Variants in RUVBL1 observed in about 807,000 individuals in gnomAD.
RUVBL1 encodes RuvB like AAA ATPase 1.
A neutral mutation model predicts 52.4 loss-of-function variants in RUVBL1; 4 were observed. The observed-to-expected ratio is 0.08, with a 90% CI of 0.04 to 0.17. RUVBL1 has a LOEUF of 0.17. Among genes scored for constraint, RUVBL1 ranks in the 10% least tolerant of loss-of-function variants. RUVBL1 has a pLI of 1.00. For missense variants in RUVBL1, 298 were observed against 572.8 expected (o/e 0.52, Z 4.90); for synonymous variants, 217 against 214.4 (o/e 1.01, Z -0.10).
In RUVBL1 at chr3:128,092,226, T is replaced by C. The variant is rs186884763; in HGVS notation, c.1017-4418A>G. 9.2e-5 allele frequency among the ~76,000 whole-genome samples: 14 copies of C among 152,300 alleles called. No homozygotes were observed. The East Asian group carries it at 2.1e-3, about 23-fold the overall frequency. The stretch of plus-strand genomic sequence containing the variant: ...TAACTACAAATGGATCATAAACCTA[T>C]ATATAAAAGCCGAAACTATAAAACT... On this transcript the variant is annotated intron_variant, in intron 8 of 10. Transcript: ENST00000322623.
chr3:128,075,485 T>A (rs1311012866), intron 9 of RUVBL1, among the ~76,000 whole-genome samples: 1 of 152,182 alleles, frequency 6.6e-6, no homozygotes, highest in Non-Finnish European at 1.5e-5. Flanking sequence ...ACATTTTTTT[T>A]AATTGAAAGC....
chr3:128,121,293 G>A (rs368024635), intron 1 of RUVBL1, among the ~76,000 whole-genome samples: 8 of 151,432 alleles, frequency 5.3e-5, no homozygotes, highest in East Asian at 2.0e-4. Context: ...ACAGGGTTTC[G>A]TCATGTTGGC....
chr3:128,126,284 G>A (rs1159927003), upstream of RUVBL1, among the ~76,000 whole-genome samples: 1 of 151,860 alleles, frequency 6.6e-6, no homozygotes, highest in Non-Finnish European at 1.5e-5. Flanking sequence ...GGTGGTACAC[G>A]CCTGTAATCC....
chr3:128,150,975 TTATATATTC>T (rs1944195352), intron 1 of RUVBL1, among the ~76,000 whole-genome samples: 1 of 93,230 alleles, frequency 1.1e-5, no homozygotes, highest in Non-Finnish European at 1.9e-5. Context: ...ATATTATATA[TTATATATTC>T]TATATATATT....
intron 1 of RUVBL1, among the ~76,000 whole-genome samples, chr3:128,138,218 A>C (rs1043487520): frequency 6.6e-6 from 1 of 152,140 alleles, no homozygotes; most frequent in African/African-American, 2.4e-5. Context: ...AAGAAATAAA[A>C]GGCATTCAAA....
At chr3:128,150,816 A>C (rs1417617848) in intron 1 of RUVBL1, among the ~76,000 whole-genome samples, 4 of 96,394 alleles carry the variant, frequency 4.1e-5, no homozygotes, top group African/African-American at 8.6e-5. Flanking sequence ...TCTATATATT[A>C]TATATTCTAT....
chr3:128,090,466 C>T (rs748853292), intron 8 of RUVBL1, among the ~76,000 whole-genome samples: 1 of 152,174 alleles, frequency 6.6e-6, no homozygotes, highest in Non-Finnish European at 1.5e-5. Flanking sequence ...TTGCAGTGTA[C>T]CGAGATCGTG....
intron 3 of RUVBL1, among the ~76,000 whole-genome samples, chr3:128,111,292 GA>G (rs1263443386): frequency 2.7e-5 from 4 of 150,372 alleles, no homozygotes; most frequent in African/African-American, 4.9e-5. Context: ...TCACTCAGAA[GA>G]ACTTTCCTGA....
chr3:128,108,838 C>T (rs977261668), intron 3 of RUVBL1, among the ~76,000 whole-genome samples: 10 of 152,196 alleles, frequency 6.6e-5, no homozygotes, highest in Middle Eastern at 3.4e-3. Context: ...TTAAAGGAGT[C>T]CTGCGAGTCA....
At chr3:128,135,254 T>G (rs1943932347) in intron 1 of RUVBL1, among the ~76,000 whole-genome samples, 1 of 152,138 alleles carries the variant, frequency 6.6e-6, no homozygotes, top group East Asian at 1.9e-4. Context: ...AAAGGAAGGC[T>G]GGGCATGGTG....
At chr3:128,142,782 CTCCT>C (rs1378182632) in intron 1 of RUVBL1, among the ~76,000 whole-genome samples, 3 of 152,064 alleles carry the variant, frequency 2.0e-5, no homozygotes, top group Non-Finnish European at 4.4e-5. Flanking sequence ...TCCTGCCTCT[CTCCT>C]TTTTTTGTTT....
At position 128,102,482 on chromosome 3, in the gene RUVBL1, A is replaced by T. The variant is rs746284635; in HGVS notation, c.514-834T>A. Among the ~76,000 whole-genome samples the T allele has an allele frequency of 5.3e-5, 8 of 152,368 alleles. No homozygotes were observed. The South Asian group carries it at 1.4e-3, about 28-fold the overall frequency. ...TAAACACAAGTTTCTCGAGGTCTTC[A>T]TGGAGATCTATGTTATACAATGTAG... On this transcript the variant is annotated intron_variant, in intron 4 of 10. Coordinates refer to ENST00000322623, the MANE Select transcript of RUVBL1 (RefSeq NM_003707.3).
intron 2 of RUVBL1, among the ~76,000 whole-genome samples, chr3:128,114,488 TTCC>T (rs1324265838): frequency 4.6e-5 from 7 of 152,168 alleles, no homozygotes; most frequent in Admixed American, 3.3e-4. Flanking sequence ...GGTGCCCGAT[TTCC>T]TCATCTGTCA....
Position 128,067,752 on chromosome 3 carries a change from T to G in RUVBL1, c.940-2532A>C. ...TCCTTTAGGGGGCAGTTCAGAAGCT[T>G]TAAGGGCTGACAGATGGAGTCCAGC... On this transcript the variant is annotated intron_variant, in intron 9 of 9. Transcript: ENST00000464873. This position sits in a 1 kb window ranked among gnomAD's most constrained non-coding sequence, Gnocchi z 4.1. 1 of 721,324 alleles carries G rather than the reference T, an allele frequency of 1.4e-6. No individual in the cohort carries two copies. The highest frequency in any genetic ancestry group is 2.3e-6 in the Non-Finnish European group (1 of 437,158). 44.7% of individuals were successfully genotyped at this position (721,324 alleles called of 1,614,324 possible).
upstream of RUVBL1, chr3:128,123,972 G>A (rs1943724107): frequency 1.7e-6 from 2 of 1,197,192 alleles, no homozygotes; most frequent in African/African-American, 3.1e-5. Flanking sequence ...CCCGTAGCCG[G>A]CGCTTCCTGC....
intron 9 of RUVBL1, chr3:128,075,679 A>T (rs1455039608): frequency 7.1e-6 from 1 of 140,696 alleles, no homozygotes; most frequent in East Asian, 2.0e-4. Flanking sequence ...CCACGCCCCC[A>T]TGGGGGGAGG....
rs1576494161 is a variant in RUVBL1, at chr3:128,149,194, T to C, written c.-40+4009A>G. On this transcript the variant is annotated intron_variant, in intron 1 of 9. Transcript: ENST00000464873. ...TCTTTCCTCTTTCTTTCTTTCTTTT[T>C]TTTTTTTTTTGACAGAGCAAGACTC... Among the ~76,000 whole-genome samples, 4 of 151,132 alleles carry C rather than the reference T, an allele frequency of 2.6e-5. 1 individual carries two copies. In the East Asian group the frequency reaches 5.8e-4, roughly 22 times the overall value.
In RUVBL1 at chr3:128,153,342, G is replaced by A. The variant is rs373224287; in HGVS notation, c.-179C>T. Reference sequence around the variant, plus strand: ...TTCCTAGACCACCCACTCGGAGCACGGCGCTCGGCTGTGCCCGTGAGCCTC... The same window carrying A: ...TTCCTAGACCACCCACTCGGAGCACAGCGCTCGGCTGTGCCCGTGAGCCTC... On this transcript the variant is annotated 5_prime_UTR_variant, in exon 1 of 10. Coordinates refer to the RUVBL1 transcript ENST00000464873. 8.3e-5 allele frequency: 114 copies of A among 1,374,936 alleles called. No individual in the cohort carries two copies. The East Asian group carries it at 1.7e-3, about 21-fold the overall frequency. The allele number at this position is 1,374,936 out of a possible 1,614,324, so 85.2% of individuals were successfully genotyped here. A position where few individuals can be genotyped will look rare whatever the true frequency, so the allele number is the denominator to read the frequency against.
At chr3:128,144,377 C>A (rs1944073319) in intron 1 of RUVBL1, among the ~76,000 whole-genome samples, 1 of 152,148 alleles carries the variant, frequency 6.6e-6, no homozygotes, top group Non-Finnish European at 1.5e-5. Flanking sequence ...TTTGAACTAC[C>A]TTAGTACAAA....
Sources: allele counts gnomAD v4.1 joint callset (sites outside exome capture counted in the v4.1 genomes callset), GRCh38; gene constraint gnomAD v4.1.1; non-coding constraint Gnocchi (gnomAD v3.1); transcripts MANE v1.5; gene names NCBI Gene and HGNC (gene_info 2026-07-23, HGNC 2026-07-21).